The following SYT13 variants were observed in gnomAD, a reference collection of about 807,000 sequenced individuals.
SYT13 encodes the protein synaptotagmin 13, also known as synaptotagmin-13.
SYT13 carries 21 observed loss-of-function variants against 38.6 expected under a neutral mutation model. That is an observed-to-expected ratio of 0.54 (90% CI 0.39 to 0.78). The LOEUF (loss-of-function observed/expected upper bound fraction) is 0.78, where lower values mean the gene tolerates loss of function less well. SYT13 is among the 30% of genes least tolerant of loss of function. The pLI is 0.00. For missense variants in SYT13, 495 were observed against 548.7 expected (o/e 0.90, Z 0.98); for synonymous variants, 241 against 237.6 (o/e 1.01, Z -0.13).
At chr11:45,245,785 G>T (rs114417043) in intron 5 of SYT13, among the ~76,000 whole-genome samples, 3,977 of 152,256 alleles carry the variant, frequency 0.026, 181 homozygotes, top group African/African-American at 0.09. Flanking sequence ...GGGCACAGAC[G>T]CCTGAAGCCT....
At chr11:45,245,660 C>A (rs1565373904) in intron 5 of SYT13, among the ~76,000 whole-genome samples, 1 of 152,248 alleles carries the variant, frequency 6.6e-6, no homozygotes, top group Non-Finnish European at 1.5e-5. Flanking sequence ...GGATGCTTTC[C>A]TGCTCATATA....
intron 1 of SYT13, among the ~76,000 whole-genome samples, chr11:45,262,721 TCACACACACACACACA>T (rs71451610): frequency 1.4e-4 from 11 of 78,266 alleles, no homozygotes; most frequent in South Asian, 5.2e-4. Context: ...GGAGATCCTA[TCACACACACACACACA>T]CACACACACA....
intron 1 of SYT13, chr11:45,269,474 C>T: frequency 7.8e-7 from 1 of 1,286,078 alleles, no homozygotes; most frequent in Non-Finnish European, 1.0e-6. Flanking sequence ...GCCCTTTGGC[C>T]ACCACCTCTG....
At chr11:45,285,797 T>C in intron 1 of SYT13, 1 of 715,342 alleles carries the variant, frequency 1.4e-6, no homozygotes, top group Non-Finnish European at 2.5e-6. Flanking sequence ...CCCCACAAGC[T>C]CGCCGCTCCC....
intron 3 of SYT13, chr11:45,253,994 A>G: frequency 3.5e-6 from 1 of 285,446 alleles, no homozygotes; most frequent in Non-Finnish European, 6.4e-6. Context: ...ACAAATGACA[A>G]GGAGAGGGGG....
At chr11:45,244,677 C>A (rs185017911) in intron 5 of SYT13, among the ~76,000 whole-genome samples, 2 of 152,184 alleles carry the variant, frequency 1.3e-5, no homozygotes, top group African/African-American at 4.8e-5. Flanking sequence ...TCCACTCCCC[C>A]ACTAGGCCAT....
chr11:45,274,281 G>A (rs539791418), intron 1 of SYT13, among the ~76,000 whole-genome samples: 31 of 152,282 alleles, frequency 2.0e-4, no homozygotes, highest in African/African-American at 6.3e-4. Flanking sequence ...CTAACCTCAC[G>A]TTCATTCCTT....
chr11:45,269,340 CAAAA>C, intron 1 of SYT13: 1 of 807,960 alleles, frequency 1.2e-6, no homozygotes, highest in South Asian at 2.2e-5. Context: ...AACAAAAAAA[CAAAA>C]CAAACAAACA....
intron 1 of SYT13, among the ~76,000 whole-genome samples, chr11:45,258,877 C>A (rs529255998): frequency 1.7e-4 from 26 of 152,204 alleles, no homozygotes; most frequent in Non-Finnish European, 2.8e-4. Flanking sequence ...TTCTACCCTA[C>A]ACAAAGTCAC....
rs1047506119 is a variant in SYT13, at chr11:45,241,440, C to G, written c.*2612G>C. The G allele has an allele frequency of 3.3e-5, 5 of 152,110 alleles. No individual in the cohort carries two copies. The highest frequency in any genetic ancestry group is 7.2e-5 in the African/African-American group (3 of 41,420). 9.4% of individuals were successfully genotyped at this position (152,110 alleles called of 1,614,324 possible). A position where few individuals can be genotyped will look rare whatever the true frequency, so the allele number is the denominator to read the frequency against. On this transcript the variant is annotated 3_prime_UTR_variant, in exon 6 of 6. Coordinates refer to ENST00000020926, the MANE Select transcript of SYT13 (RefSeq NM_020826.3). ...ACATCTAAGATGTTCTGTGGCGGAA[C>G]CTGGCCCCCATCAGGGGCAACCTTT...
intron 1 of SYT13, among the ~76,000 whole-genome samples, chr11:45,264,395 T>C (rs936249553): frequency 2.6e-5 from 4 of 152,172 alleles, no homozygotes; most frequent in Non-Finnish European, 5.9e-5. Context: ...AAAATGACAT[T>C]CCATTTTCCT....
At chr11:45,283,700 T>C (rs917725221) in intron 1 of SYT13, among the ~76,000 whole-genome samples, 2 of 152,256 alleles carry the variant, frequency 1.3e-5, no homozygotes, top group Admixed American at 6.5e-5. Flanking sequence ...GCAGGTATCA[T>C]GTATCAACAA....
intron 1 of SYT13, chr11:45,269,353 C>A (rs972790219): frequency 1.0e-5 from 9 of 880,310 alleles, no homozygotes; most frequent in East Asian, 9.3e-5. Flanking sequence ...AACAAACAAA[C>A]AAACAAACAA....
chr11:45,254,269 C>G lies in SYT13; in HGVS notation c.544+1G>C. 6.2e-7 allele frequency: 1 copy of G among 1,608,562 alleles called. No homozygotes were observed. Among genetic ancestry groups the G allele is most frequent in the Non-Finnish European group, 8.5e-7 (1 of 1,177,528 alleles). ...CCACGAGAGTCAAATAAGAGCCATA[C>G]CTTCCAGGCGAGTCACAAACAATTC... On this transcript the variant is annotated splice_donor_variant, in intron 3 of 5. Transcript: ENST00000020926. LOFTEE classifies it high-confidence loss of function.
Position 45,286,262 on chromosome 11 carries a change from C to G in SYT13, c.-55G>C, listed in dbSNP as rs113612766. The G allele has an allele frequency of 4.1e-5, 60 of 1,470,440 alleles. No individual in the cohort carries two copies. The highest frequency in any genetic ancestry group is 4.9e-4 in the Middle Eastern group (2 of 4,118). 91.1% of individuals were successfully genotyped at this position (1,470,440 alleles called of 1,614,324 possible). On this transcript the variant is annotated 5_prime_UTR_variant, in exon 1 of 6. Coordinates refer to ENST00000020926, the MANE Select transcript of SYT13 (RefSeq NM_020826.3). ...CCGCAGCCGCTCACCTTCCCCGGGC[C>G]GGGCCCGCCTCCAGGCAGCTCCCGG...
Position 45,255,846 on chromosome 11 carries a change from G to T in SYT13, c.229C>A (p.Leu77Ile). Reference sequence around the variant, plus strand: ...GGTCCATAGATGTCTGGGAACTTGAGGAGGGCACGGGGCTGAACAGGTTCC... The same window carrying T: ...GGTCCATAGATGTCTGGGAACTTGATGAGGGCACGGGGCTGAACAGGTTCC... ...STEPVQPRAL[L>I]KFPDIYGPRP... Residue 77 changes from leucine to isoleucine, a missense_variant, in exon 2 of 6, where the codon CTC (leucine) becomes ATC (isoleucine). By Grantham distance (5) the Leu-to-Ile change is conservative. Transcript: ENST00000020926. 6.2e-7 allele frequency: 1 copy of T among 1,614,168 alleles called. No individual in the cohort carries two copies. The highest frequency in any genetic ancestry group is 1.6e-4 in the Middle Eastern group (1 of 6,062).
chr11:45,255,691 C>T lies in SYT13; in HGVS notation c.384G>A (p.Glu128=). The change falls in exon 2 of 6, where the codon GAG becomes GAA. Residue 128 remains glutamate (E), a synonymous_variant. Coordinates refer to ENST00000020926, the MANE Select transcript of SYT13 (RefSeq NM_020826.3). ...CATTCTGAGGGAGGATGAACAGCTC[C>T]TCTGTGACCTGCCTCTTGAGGCGAC... ...NDSRLKRQVT[E]ELFILPQNGV... 6.2e-7 allele frequency: 1 copy of T among 1,614,138 alleles called. No homozygotes were observed. The highest frequency in any genetic ancestry group is 8.5e-7 in the Non-Finnish European group (1 of 1,180,016).
intron 4 of SYT13, among the ~76,000 whole-genome samples, chr11:45,250,088 C>T (rs989165946): frequency 2.0e-5 from 3 of 152,270 alleles, no homozygotes; most frequent in South Asian, 2.1e-4. Flanking sequence ...TTCAAATCAG[C>T]CCACACCCTC....
chr11:45,248,290 G>A (rs1039415032), intron 4 of SYT13, among the ~76,000 whole-genome samples: 1 of 152,182 alleles, frequency 6.6e-6, no homozygotes, highest in African/African-American at 2.4e-5. Flanking sequence ...GCTCCACTGT[G>A]GCCTCCATTC....
Sources: allele counts gnomAD v4.1 joint callset (sites outside exome capture counted in the v4.1 genomes callset), GRCh38; gene constraint gnomAD v4.1.1; transcripts MANE v1.5; gene names NCBI Gene and HGNC (gene_info 2026-07-23, HGNC 2026-07-21).